Variants in IVD observed in about 807,000 individuals in gnomAD.
IVD encodes the protein isovaleryl-CoA dehydrogenase.
A neutral mutation model predicts 51.3 loss-of-function variants in IVD; 31 were observed. The ratio of observed to expected loss-of-function variants is 0.60; its 90% CI spans 0.45 to 0.81. The LOEUF is 0.81. Among genes scored for constraint, IVD ranks in the 40% least tolerant of loss-of-function variants. The pLI is 0.00. For missense variants in IVD, 475 were observed against 552.0 expected (o/e 0.86, Z 1.40); for synonymous variants, 205 against 219.4 (o/e 0.93, Z 0.58).
intron 7 of IVD, among the ~76,000 whole-genome samples, chr15:40,413,664 G>T (rs1043381416): frequency 1.6e-4 from 19 of 116,214 alleles, no homozygotes; most frequent in East Asian, 6.4e-4. Context: ...GTTGTTTGGG[G>T]TTTTTTTTTG....
chr15:40,427,236 C>T (rs1892721359), downstream of IVD, among the ~76,000 whole-genome samples: 1 of 152,238 alleles, frequency 6.6e-6, no homozygotes, highest in Non-Finnish European at 1.5e-5. Context: ...CAGAGAGAGA[C>T]ACAGCTCCAG....
At chr15:40,428,681 C>T (rs1268618097), downstream of IVD, among the ~76,000 whole-genome samples, 2 of 152,210 alleles carry the variant, frequency 1.3e-5, no homozygotes, top group East Asian at 3.9e-4. Context: ...ATCACCCACA[C>T]CTCCAAGGGG....
intron 9 of IVD, among the ~76,000 whole-genome samples, chr15:40,415,864 T>C (rs1317639135): frequency 6.6e-6 from 1 of 152,230 alleles, no homozygotes. Context: ...GAGGCAGTGA[T>C]GGCCACTTCG....
chr15:40,424,055 C>T, downstream of IVD: 5 of 873,662 alleles, frequency 5.7e-6, no homozygotes, highest in Non-Finnish European at 6.1e-6. Context: ...CACCACCCAG[C>T]CACTCTCAGA....
Position 40,418,297 on chromosome 15 carries a change from AG to A in IVD, c.*35del. ...CCCTTCGCCCCCTTTTCCTGCACCT[AG>A]TGGCCTTTCTTGGGAAGTAGAGATG... On this transcript the variant is annotated 3_prime_UTR_variant, in exon 12 of 12. Coordinates refer to ENST00000487418, the MANE Select transcript of IVD (RefSeq NM_002225.5). 1.9e-6 allele frequency: 3 copies of A among 1,612,790 alleles called. No individual in the cohort carries two copies. Among genetic ancestry groups the A allele is most frequent in the Non-Finnish European group, 2.5e-6 (3 of 1,179,416 alleles).
downstream of IVD, among the ~76,000 whole-genome samples, chr15:40,427,171 G>C (rs753971758): frequency 2.0e-5 from 3 of 152,222 alleles, no homozygotes; most frequent in Non-Finnish European, 2.9e-5. Context: ...GGCTGCCCTT[G>C]CTGGCAGAAG....
chr15:40,416,300 G>T lies in IVD; in HGVS notation c.1076G>T (p.Gly359Val), dbSNP rs1435678329. The change falls in exon 11 of 12, where the codon GGT becomes GTT. Residue 359 changes from glycine (G) to valine (V), a missense_variant. Transcript: ENST00000487418. ...EGHCTAKDCA[G>V]VILYSAECAT... is the part of the protein sequence containing the mutation. ...AGCTTCCTCCCGTAGGACTGTGCAGGTGTGATTCTTTACTCAGCTGAGTGT... is the reference window on the plus strand; with the variant it reads ...AGCTTCCTCCCGTAGGACTGTGCAGTTGTGATTCTTTACTCAGCTGAGTGT... 1 of 1,614,252 alleles carries T rather than the reference G, an allele frequency of 6.2e-7. No individual in the cohort carries two copies. The highest frequency in any genetic ancestry group is 8.5e-7 in the Non-Finnish European group (1 of 1,180,044).
rs780313307 is a variant in IVD, at chr15:40,411,282, G to C, written c.479G>C (p.Gly160Ala). Residue 160 changes from glycine (G) to alanine (A), a missense_variant, in exon 5 of 12, where the codon GGA becomes GCA. Coordinates refer to ENST00000487418, the MANE Select transcript of IVD (RefSeq NM_002225.5). Reference protein sequence around the residue: ...LPKLISGEYIGALAMSEPNAG... With the variant: ...LPKLISGEYIAALAMSEPNAG... The stretch of plus-strand genomic sequence containing the variant: ...CAGCTGATCAGTGGTGAGTACATCG[G>C]AGCCCTGGCCATGAGTGAGCCCAAT... 1 of 1,614,156 alleles carries C rather than the reference G, an allele frequency of 6.2e-7. No homozygotes were observed. Among genetic ancestry groups the C allele is most frequent in the Non-Finnish European group, 8.5e-7 (1 of 1,180,042 alleles).
Position 40,418,599 on chromosome 15 carries a change from G to T in IVD, c.*336G>T. On this transcript the variant is annotated 3_prime_UTR_variant, in exon 12 of 12. Coordinates refer to ENST00000487418, the MANE Select transcript of IVD (RefSeq NM_002225.5). ...AGGGTAGGCACCTGGGGGCATGCAGGTGCCCACCTCCCAGGGTAGGCACCT... is the reference window on the plus strand; with the variant it reads ...AGGGTAGGCACCTGGGGGCATGCAGTTGCCCACCTCCCAGGGTAGGCACCT... 1.1e-6 allele frequency: 1 copy of T among 915,838 alleles called. No individual in the cohort carries two copies. The highest frequency in any genetic ancestry group is 1.4e-6 in the Non-Finnish European group (1 of 719,810). The allele number at this position is 915,838 out of a possible 1,614,324, so 56.7% of individuals were successfully genotyped here.
At chr15:40,406,263 T>G in intron 1 of IVD, 1 of 1,463,706 alleles carries the variant, frequency 6.8e-7, no homozygotes, top group Non-Finnish European at 9.1e-7. Context: ...TGATGGTGTT[T>G]TGGTGGAGGA....
At position 40,407,622 on chromosome 15, in the gene IVD, C is replaced by G. The variant is rs779618154; in HGVS notation, c.145-14C>G. 2 of 1,606,668 alleles carry G rather than the reference C, an allele frequency of 1.2e-6. No individual in the cohort carries two copies. The highest frequency in any genetic ancestry group is 2.2e-5 in the South Asian group (2 of 90,880). On this transcript the variant is annotated splice_polypyrimidine_tract_variant and intron_variant, in intron 1 of 11. Transcript: ENST00000487418. Reference sequence around the variant, plus strand: ...GCTGTCTGCAGTGGCATCTGTTTACCTCTCTCCTATTAGCTTCGTCAGACC... The same window carrying G: ...GCTGTCTGCAGTGGCATCTGTTTACGTCTCTCCTATTAGCTTCGTCAGACC...
chr15:40,419,836 T>G lies in IVD; in HGVS notation c.*1573T>G, dbSNP rs1275297754. 6.7e-6 allele frequency: 1 copy of G among 148,798 alleles called. No individual in the cohort carries two copies. The highest frequency in any genetic ancestry group is 2.5e-5 in the African/African-American group (1 of 39,754). The allele number at this position is 148,798 out of a possible 1,614,324, so 9.2% of individuals were successfully genotyped here. On this transcript the variant is annotated 3_prime_UTR_variant, in exon 12 of 12. Transcript: ENST00000487418. ...AAAATAATAGGCCAGGCATGGTGGCTCAACGTCTGTAATCCCAGCACTTTG... is the reference window on the plus strand; with the variant it reads ...AAAATAATAGGCCAGGCATGGTGGCGCAACGTCTGTAATCCCAGCACTTTG...
chr15:40,410,375 C>G (rs954681466), intron 3 of IVD, among the ~76,000 whole-genome samples: 3 of 152,202 alleles, frequency 2.0e-5, no homozygotes, highest in African/African-American at 7.2e-5. Flanking sequence ...ATCAAGAAGT[C>G]TGTCTGGGAT....
rs377199313 is a variant in IVD at position 40,407,968 on chromosome 15, C to A, written c.264C>A (p.Gly88=). Residue 88 remains glycine, a synonymous_variant, in exon 3 of 12, where the codon GGC becomes GGA. Coordinates refer to ENST00000487418, the MANE Select transcript of IVD (RefSeq NM_002225.5). ...REFWKQLGNL[G]VLGITAPVQY... ...TTTGGAAGCAGCTGGGGAACCTGGG[C>A]GTATTGGGCATCACAGCCCCTGGTG... The A allele has an allele frequency of 5.0e-6, 8 of 1,613,970 alleles. No individual in the cohort carries two copies. Among genetic ancestry groups the A allele is most frequent in the Non-Finnish European group, 6.8e-6 (8 of 1,179,978 alleles).
downstream of IVD, among the ~76,000 whole-genome samples, chr15:40,423,147 C>T (rs2141403253): frequency 6.6e-6 from 1 of 152,184 alleles, no homozygotes; most frequent in East Asian, 1.9e-4. Flanking sequence ...CCATGTTGTC[C>T]AGGCTGGGCT....
At chr15:40,415,037 A>G (rs1354001038) in intron 8 of IVD, 55 bp downstream of exon 8, 7 of 1,596,226 alleles carry the variant, frequency 4.4e-6, no homozygotes, top group Non-Finnish European at 6.0e-6. Flanking sequence ...TCGGCAGGTG[A>G]CCCACCATGA....
At chr15:40,409,098 T>G (rs1890775090) in intron 3 of IVD, among the ~76,000 whole-genome samples, 1 of 152,206 alleles carries the variant, frequency 6.6e-6, no homozygotes, top group Admixed American at 6.5e-5. Context: ...ACCATCTTAA[T>G]GTAAAAGCAT....
At chr15:40,423,063 C>T (rs1892454402), downstream of IVD, among the ~76,000 whole-genome samples, 1 of 151,806 alleles carries the variant, frequency 6.6e-6, no homozygotes, top group Non-Finnish European at 1.5e-5. Context: ...CCCCAGCCCC[C>T]CAGTAGCTGG....
At position 40,407,994 on chromosome 15, in the gene IVD, A is replaced by G. The variant is rs1890649766; in HGVS notation, c.286+4A>G. On this transcript the variant is annotated splice_donor_region_variant and intron_variant, in intron 3 of 11. Transcript: ENST00000487418. Reference sequence around the variant, plus strand: ...GTATTGGGCATCACAGCCCCTGGTGAGTATAGTGTCTTTCCCTAAAAAGAA... The same window carrying G: ...GTATTGGGCATCACAGCCCCTGGTGGGTATAGTGTCTTTCCCTAAAAAGAA... The G allele has an allele frequency of 1.2e-6, 2 of 1,613,744 alleles. No individual in the cohort carries two copies. The highest frequency in any genetic ancestry group is 8.5e-7 in the Non-Finnish European group (1 of 1,179,660).
Sources: allele counts gnomAD v4.1 joint callset (sites outside exome capture counted in the v4.1 genomes callset), GRCh38; gene constraint gnomAD v4.1.1; transcripts MANE v1.5; gene names NCBI Gene and HGNC (gene_info 2026-07-23, HGNC 2026-07-21).